Variants in DLG2 observed in about 807,000 individuals in gnomAD.
DLG2 encodes the protein disks large homolog 2.
A neutral mutation model predicts 132.5 loss-of-function variants in DLG2; 45 were observed. The observed-to-expected ratio is 0.34, with a 90% CI of 0.27 to 0.44. The LOEUF (loss-of-function observed/expected upper bound fraction) is 0.44, where lower values mean the gene tolerates loss of function less well. Ranked by LOEUF, DLG2 falls within the 20% of genes least tolerant of loss-of-function variation. The pLI is 1.00. For missense variants in DLG2, 1,045 were observed against 1,196.9 expected, an observed-to-expected ratio of 0.87 and a Z score of 1.87; for synonymous variants, 424 against 419.6, an observed-to-expected ratio of 1.01 and a Z score of -0.13.
At chr11:83,963,156 G>C in intron 13 of DLG2, 133 bp from the exon 14 acceptor site, 1 of 903,766 alleles carries the variant, frequency 1.1e-6, no homozygotes, top group Admixed American at 2.4e-5. Flanking sequence ...TCCTCCCAGA[G>C]GGGGGAGTTG....
intron 5 of DLG2, among the ~76,000 whole-genome samples, chr11:85,129,136 T>C (rs900733359): frequency 1.3e-5 from 2 of 152,154 alleles, no homozygotes; most frequent in African/African-American, 4.8e-5. Flanking sequence ...GTGATATCTG[T>C]GACAAAAGAG....
chr11:85,067,241 CTTT>C (rs1445486174), intron 6 of DLG2, among the ~76,000 whole-genome samples: 1 of 151,738 alleles, frequency 6.6e-6, no homozygotes, highest in African/African-American at 2.4e-5. Context: ...CTCCTTTCTT[CTTT>C]ATTAGTCTTG....
intron 17 of DLG2, among the ~76,000 whole-genome samples, chr11:83,814,276 C>A (rs908583404): frequency 4.6e-5 from 7 of 152,138 alleles, no homozygotes; most frequent in Admixed American, 2.0e-4. Flanking sequence ...AAATAAGTAT[C>A]ATTCAGCATC....
intron 19 of DLG2, among the ~76,000 whole-genome samples, chr11:83,562,109 G>A (rs1459563718): frequency 2.6e-5 from 4 of 151,880 alleles, no homozygotes; most frequent in Admixed American, 6.6e-5. Flanking sequence ...GGTTGGTGTC[G>A]ATCTCTTGAC....
intron 14 of DLG2, among the ~76,000 whole-genome samples, chr11:83,960,750 T>C (rs2088465029): frequency 6.6e-6 from 1 of 151,966 alleles, no homozygotes; most frequent in Non-Finnish European, 1.5e-5. Flanking sequence ...TATTTATGAA[T>C]GAGAAAGTGA....
At chr11:85,106,921 T>C (rs1042810394) in intron 6 of DLG2, among the ~76,000 whole-genome samples, 1 of 152,058 alleles carries the variant, frequency 6.6e-6, no homozygotes, top group African/African-American at 2.4e-5. Context: ...GTGCTTTCTA[T>C]AGACCATTAT....
At chr11:85,175,215 CAATAA>C (rs2079146729) in intron 4 of DLG2, among the ~76,000 whole-genome samples, 1 of 152,108 alleles carries the variant, frequency 6.6e-6, no homozygotes, top group African/African-American at 2.4e-5. Context: ...CAAAAATCCT[CAATAA>C]AATACTGGCA....
At position 85,187,758 on chromosome 11, in the gene DLG2, C is replaced by T. The variant is rs905449686; in HGVS notation, c.187-33107G>A. Among the ~76,000 whole-genome samples, 11 of 152,072 alleles carry T rather than the reference C, an allele frequency of 7.2e-5. 1 individual carries two copies. The highest frequency in any genetic ancestry group is 4.2e-4 in the South Asian group (2 of 4,808). ...AGTATCTTTGCAGCCTAAGGGAACT[C>T]GCTTGATTTGGAGTGGAACATGAGA... On this transcript the variant is annotated intron_variant, in intron 4 of 27. Coordinates refer to ENST00000376104, the MANE Select transcript of DLG2 (RefSeq NM_001142699.3).
intron 2 of DLG2, among the ~76,000 whole-genome samples, chr11:85,615,660 C>T (rs1289244767): frequency 6.6e-6 from 1 of 152,032 alleles, no homozygotes; most frequent in Non-Finnish European, 1.5e-5. Flanking sequence ...TTAAAGCAGA[C>T]CTGAAGACTG....
At chr11:85,431,542 T>C (rs932127114) in intron 3 of DLG2, among the ~76,000 whole-genome samples, 1 of 152,212 alleles carries the variant, frequency 6.6e-6, no homozygotes, top group African/African-American at 2.4e-5. Context: ...AAGGCAGCCA[T>C]TACCACTGCC....
intron 4 of DLG2, among the ~76,000 whole-genome samples, chr11:85,217,134 G>T (rs1305948871): frequency 2.0e-5 from 3 of 151,888 alleles, no homozygotes; most frequent in Non-Finnish European, 4.4e-5. Context: ...CTCACAAAGA[G>T]GGAGAGTAAG....
chr11:85,105,380 G>C (rs1181806465), intron 6 of DLG2, among the ~76,000 whole-genome samples: 1 of 151,870 alleles, frequency 6.6e-6, no homozygotes, highest in African/African-American at 2.4e-5. Context: ...AATACTGTAA[G>C]GGCCAGAGCT....
intron 18 of DLG2, among the ~76,000 whole-genome samples, chr11:83,734,377 TTCCTTCC>T (rs1446960203): frequency 1.4e-5 from 2 of 144,876 alleles, no homozygotes; most frequent in Non-Finnish European, 3.0e-5. Flanking sequence ...CCTTCCTTCC[TTCCTTCC>T]TTCCTTCCTT....
chr11:84,812,073 G>T (rs1013478297), intron 6 of DLG2, among the ~76,000 whole-genome samples: 1 of 152,068 alleles, frequency 6.6e-6, no homozygotes, highest in African/African-American at 2.4e-5. Context: ...TTAAGATATA[G>T]ATAAAAGCGT....
At chr11:84,473,723 G>C (rs1403531441) in intron 7 of DLG2, among the ~76,000 whole-genome samples, 1 of 151,890 alleles carries the variant, frequency 6.6e-6, no homozygotes, top group Admixed American at 6.6e-5. Flanking sequence ...TGATTTCCCT[G>C]TTTCCTTTAT....
At chr11:83,894,069 T>C (rs934612834) in intron 15 of DLG2, among the ~76,000 whole-genome samples, 2 of 152,228 alleles carry the variant, frequency 1.3e-5, no homozygotes, top group African/African-American at 2.4e-5. Context: ...ACCACATATG[T>C]GCCAGGAAAC....
chr11:85,254,085 G>GC (rs1284177273), intron 4 of DLG2, among the ~76,000 whole-genome samples: 1 of 152,160 alleles, frequency 6.6e-6, no homozygotes, highest in African/African-American at 2.4e-5. Context: ...CTCACTTTGG[G>GC]CCACAGTGCC....
chr11:84,371,718 C>A (rs192508319), intron 7 of DLG2, among the ~76,000 whole-genome samples: 2 of 152,262 alleles, frequency 1.3e-5, no homozygotes, highest in East Asian at 3.9e-4. Flanking sequence ...GTGAGCTCAA[C>A]TGGTTAGTTA....
chr11:84,280,707 GT>G (rs879281178), intron 7 of DLG2, among the ~76,000 whole-genome samples: 1 of 150,788 alleles, frequency 6.6e-6, no homozygotes, highest in Non-Finnish European at 1.5e-5. Context: ...TTTGTTTTTT[GT>G]TTTTTTTGAG....
Sources: allele counts gnomAD v4.1 joint callset (sites outside exome capture counted in the v4.1 genomes callset), GRCh38; gene constraint gnomAD v4.1.1; transcripts MANE v1.5; gene names NCBI Gene and HGNC (gene_info 2026-07-23, HGNC 2026-07-21).